Variants in DCDC2 observed in about 807,000 individuals in gnomAD.
The protein encoded by DCDC2 is doublecortin domain containing 2, also known as doublecortin domain-containing protein 2.
Under a neutral mutation model 50.2 loss-of-function variants are expected in DCDC2, and 40 were observed. The ratio of observed to expected loss-of-function variants is 0.80; its 90% CI spans 0.62 to 1.04. The LOEUF (loss-of-function observed/expected upper bound fraction) is 1.04. Among genes scored for constraint, DCDC2 ranks in the 50% least tolerant of loss-of-function variants. DCDC2 has a pLI of 0.00. For synonymous variants in DCDC2, 234 were observed against 210.6 expected, an observed-to-expected ratio of 1.11 and a Z score of -0.96; for missense variants, 570 against 581.9, an observed-to-expected ratio of 0.98 and a Z score of 0.21.
At chr6:24,226,716 G>C (rs1762241253) in intron 7 of DCDC2, among the ~76,000 whole-genome samples, 1 of 152,298 alleles carries the variant, frequency 6.6e-6, no homozygotes, top group South Asian at 2.1e-4. Flanking sequence ...AGAGTCAAGA[G>C]GTGGAAACTG....
chr6:24,173,767 T>C lies in DCDC2; in HGVS notation c.*963A>G, dbSNP rs1157011293. 2.6e-5 allele frequency: 4 copies of C among 152,310 alleles called. No individual in the cohort carries two copies. Among genetic ancestry groups the C allele is most frequent in the Middle Eastern group, 3.4e-3 (1 of 294 alleles). 9.4% of individuals were successfully genotyped at this position (152,310 alleles called of 1,614,324 possible). ...CAAAAACATAGTAAAACAGTCTTAATAGAAATAAGGCAAAAAACAAGTTAA... is the reference window on the plus strand; with the variant it reads ...CAAAAACATAGTAAAACAGTCTTAACAGAAATAAGGCAAAAAACAAGTTAA... On this transcript the variant is annotated 3_prime_UTR_variant, in exon 10 of 10. Transcript: ENST00000378454.
Position 24,357,732 on chromosome 6 carries a change from T to A in DCDC2, c.19A>T (p.Arg7Trp). 1 of 1,612,456 alleles carries A rather than the reference T, an allele frequency of 6.2e-7. No individual in the cohort carries two copies. The highest frequency in any genetic ancestry group is 8.5e-7 in the Non-Finnish European group (1 of 1,179,422). Residue 7 changes from arginine (R) to tryptophan (W), a missense_variant, in exon 1 of 10, where the codon AGG becomes TGG. Transcript: ENST00000378454. MSGSSA[R>W]SSHLSQPVVK... ...ACGGGCTGAGACAGGTGGCTGGACC[T>A]GGCGCTGCTGCCGCTCATCTTCCCC...
chr6:24,380,260 A>G, the DCDC2 span, among the ~76,000 whole-genome samples: 1 of 152,308 alleles, frequency 6.6e-6, no homozygotes, highest in East Asian at 1.9e-4. Context: ...AAATTAGCCT[A>G]TAATATCCAT....
Position 24,301,913 on chromosome 6 carries a change from C to A in DCDC2, c.425+55G>T. On this transcript the variant is annotated intron_variant, in intron 3 of 9. Transcript: ENST00000378454. ...GAAAACTACAACACAAATTCCAAAC[C>A]AAAAGGAAACCACCAAGCCAATTTT... 10 of 1,612,050 alleles carry A rather than the reference C, an allele frequency of 6.2e-6. No individual in the cohort carries two copies. The South Asian group carries it at 1.1e-4, about 18-fold the overall frequency.
intron 7 of DCDC2, among the ~76,000 whole-genome samples, chr6:24,226,584 T>G (rs1199676922): frequency 1.3e-5 from 2 of 152,222 alleles, no homozygotes; most frequent in Non-Finnish European, 2.9e-5. Context: ...CTATCTGTGT[T>G]TCAGAACAAT....
chr6:24,212,094 C>T (rs147541599), intron 7 of DCDC2, among the ~76,000 whole-genome samples: 196 of 152,214 alleles, frequency 1.3e-3, no homozygotes, highest in African/African-American at 4.2e-3. Context: ...GGAGCACAAA[C>T]CGTATTGTGA....
At chr6:24,207,141 G>A (rs981599390) in intron 7 of DCDC2, among the ~76,000 whole-genome samples, 8 of 152,040 alleles carry the variant, frequency 5.3e-5, no homozygotes, top group Non-Finnish European at 1.2e-4. Flanking sequence ...TTGTTTATAT[G>A]CATTTTAGAA....
upstream of DCDC2, among the ~76,000 whole-genome samples, chr6:24,359,027 T>A (rs1161740101): frequency 1.5e-4 from 6 of 40,046 alleles, 1 homozygote; most frequent in East Asian, 1.2e-3. Flanking sequence ...ATTTTATATT[T>A]TATATTTTAT....
chr6:24,336,728 AT>A (rs1187867037), intron 2 of DCDC2, among the ~76,000 whole-genome samples: 27 of 146,472 alleles, frequency 1.8e-4, no homozygotes, highest in African/African-American at 6.1e-4. Context: ...TTTTTTTTTT[AT>A]TTTTTTTTCC....
intron 7 of DCDC2, among the ~76,000 whole-genome samples, chr6:24,245,722 T>G (rs536955486): frequency 6.6e-6 from 1 of 152,156 alleles, no homozygotes; most frequent in South Asian, 2.1e-4. Flanking sequence ...TAGAGAACAG[T>G]AGAAAGAACA....
chr6:24,204,890 T>C (rs1013550978), intron 8 of DCDC2, 112 bp downstream of exon 8: 27 of 974,646 alleles, frequency 2.8e-5, no homozygotes, highest in Non-Finnish European at 3.7e-5. Flanking sequence ...ACATAGTACC[T>C]TAGAGGGTTT....
intron 7 of DCDC2, among the ~76,000 whole-genome samples, chr6:24,227,454 C>T (rs1762253388): frequency 6.6e-6 from 1 of 152,032 alleles, no homozygotes; most frequent in Non-Finnish European, 1.5e-5. Flanking sequence ...CTAAAGAGAC[C>T]CATCTTCTGA....
At chr6:24,337,611 T>C (rs1233910485) in intron 2 of DCDC2, among the ~76,000 whole-genome samples, 2 of 152,006 alleles carry the variant, frequency 1.3e-5, no homozygotes, top group East Asian at 1.9e-4. Flanking sequence ...GTGGCCAACA[T>C]GGTGAAACCC....
At chr6:24,238,551 A>G (rs922184074) in intron 7 of DCDC2, among the ~76,000 whole-genome samples, 7 of 152,088 alleles carry the variant, frequency 4.6e-5, no homozygotes, top group East Asian at 3.9e-4. Flanking sequence ...CGCCCACCTC[A>G]GCCTCCCAAA....
rs190682399 is a variant in DCDC2 at position 24,222,978 on chromosome 6, T to A, written c.923-17876A>T. Among the ~76,000 whole-genome samples, 350 of 152,348 alleles carry A rather than the reference T, an allele frequency of 2.3e-3. 3 individuals carry two copies. The highest frequency in any genetic ancestry group is 0.022 in the South Asian group (106 of 4,826). On this transcript the variant is annotated intron_variant, in intron 7 of 9. Coordinates refer to ENST00000378454, the MANE Select transcript of DCDC2 (RefSeq NM_016356.5). ...AGAAAAAAAGACTGATTAAAGTGTATACTCTTATATGGGTATGTGTGTATA... is the reference window on the plus strand; with the variant it reads ...AGAAAAAAAGACTGATTAAAGTGTAAACTCTTATATGGGTATGTGTGTATA...
chr6:24,233,032 G>A (rs770713563), intron 7 of DCDC2, among the ~76,000 whole-genome samples: 3 of 152,154 alleles, frequency 2.0e-5, no homozygotes, highest in Non-Finnish European at 4.4e-5. Context: ...TGAGTTATTT[G>A]TTTTCTATGT....
chr6:24,207,255 T>TC (rs1491213869), intron 7 of DCDC2, among the ~76,000 whole-genome samples: 2,575 of 142,780 alleles, frequency 0.018, 52 homozygotes, highest in African/African-American at 0.062. Flanking sequence ...TCCATCTATC[T>TC]TTCTCTCTCT....
At chr6:24,315,066 A>G (rs114540201) in intron 2 of DCDC2, among the ~76,000 whole-genome samples, 3,827 of 152,262 alleles carry the variant, frequency 0.025, 88 homozygotes, top group African/African-American at 0.054. Context: ...CCATTGCTAT[A>G]TAATAGCTAT....
chr6:24,365,473 G>T, the DCDC2 span, among the ~76,000 whole-genome samples: 1 of 152,122 alleles, frequency 6.6e-6, no homozygotes, highest in Non-Finnish European at 1.5e-5. Flanking sequence ...TGTATTTTTA[G>T]TAGAGACAGG....
Sources: gnomAD v4.1 joint callset for allele counts (sites outside exome capture counted in the v4.1 genomes callset) on GRCh38, gnomAD v4.1.1 for gene constraint, MANE v1.5 for transcripts, NCBI Gene and HGNC (gene_info 2026-07-23, HGNC 2026-07-21) for gene names.